ANO2: variants seen among roughly 807,000 people sequenced by gnomAD.
ANO2 encodes the protein anoctamin-2.
Under a neutral mutation model 124.2 loss-of-function variants are expected in ANO2, and 101 were observed. The observed-to-expected ratio is 0.81, with a 90% CI of 0.69 to 0.96. ANO2 has a LOEUF of 0.96. ANO2 is among the 40% of genes least tolerant of loss of function. The pLI is 0.00. For missense variants in ANO2, 1,293 were observed against 1,274.5 expected (o/e 1.01, Z -0.22); for synonymous variants, 486 against 482.5 (o/e 1.01, Z -0.09).
intron 14 of ANO2, among the ~76,000 whole-genome samples, chr12:5,707,670 C>T (rs1194912299): frequency 6.6e-6 from 1 of 152,164 alleles, no homozygotes; most frequent in African/African-American, 2.4e-5. Context: ...AACATCAATC[C>T]AATTCTCCAA....
intron 14 of ANO2, among the ~76,000 whole-genome samples, chr12:5,715,841 T>G (rs1460890078): frequency 6.6e-6 from 1 of 152,222 alleles, no homozygotes; most frequent in South Asian, 2.1e-4. Context: ...ATAATGCTCC[T>G]GAAATAGCCC....
At chr12:5,770,674 C>A (rs548174603) in intron 10 of ANO2, among the ~76,000 whole-genome samples, 1 of 152,214 alleles carries the variant, frequency 6.6e-6, no homozygotes, top group Non-Finnish European at 1.5e-5. Context: ...TTGCCCCATG[C>A]AATCTTTTCA....
chr12:5,889,886 T>C (rs974109705), intron 3 of ANO2, among the ~76,000 whole-genome samples: 1 of 152,244 alleles, frequency 6.6e-6, no homozygotes. Flanking sequence ...GGAGGACTCA[T>C]GTGAGTTGCA....
intron 20 of ANO2, among the ~76,000 whole-genome samples, chr12:5,587,069 G>A (rs1227936941): frequency 6.6e-6 from 1 of 152,174 alleles, no homozygotes; most frequent in East Asian, 1.9e-4. Context: ...CCAACTGACA[G>A]CCCGTCCCCA....
intron 3 of ANO2, among the ~76,000 whole-genome samples, chr12:5,919,987 G>A (rs1017278112): frequency 6.6e-6 from 1 of 152,108 alleles, no homozygotes; most frequent in Non-Finnish European, 1.5e-5. Context: ...GTGAGTCACC[G>A]CGCCTGGCAA....
At chr12:5,913,601 C>T (rs1941187550) in intron 3 of ANO2, among the ~76,000 whole-genome samples, 1 of 152,226 alleles carries the variant, frequency 6.6e-6, no homozygotes, top group Admixed American at 6.5e-5. Context: ...CTCGGGATGA[C>T]AAGGATCCCA....
chr12:5,563,476 T>C lies in ANO2; in HGVS notation c.2820A>G (p.Leu940=). 6.2e-7 allele frequency: 1 copy of C among 1,613,964 alleles called. No homozygotes were observed. Among genetic ancestry groups the C allele is most frequent in the Admixed American group, 1.7e-5 (1 of 60,024 alleles). Residue 940 remains leucine (L), a synonymous_variant, in exon 25 of 25, where the codon TTA becomes TTG. Transcript: ENST00000682330. ...ISDQIKKEKS[L]LVDFFLKEEH... ...CCTCTTTCAGGAAGAAATCCACTAA[T>C]AAGCTCTTCTCTTTCTTGATCTGGT... is the stretch of plus-strand genomic sequence containing the variant.
At chr12:5,839,734 C>T (rs1954451639) in intron 4 of ANO2, 2 of 422,378 alleles carry the variant, frequency 4.7e-6, no homozygotes, top group Admixed American at 2.5e-5. Context: ...TCATTTCATC[C>T]ACGGTCCATA....
At position 5,798,066 on chromosome 12, in the gene ANO2, T is replaced by TA. The variant is rs972293853; in HGVS notation, c.1055+1440dup. 4.6e-5 allele frequency among the ~76,000 whole-genome samples: 7 copies of TA among 151,478 alleles called. No individual in the cohort carries two copies. In the East Asian group the frequency reaches 7.8e-4, roughly 17 times the overall value. On this transcript the variant is annotated intron_variant, in intron 10 of 24. Coordinates refer to ENST00000682330, the MANE Select transcript of ANO2 (RefSeq NM_001364791.2). ...AGAATTTTTATTTTTTAATCGTACT[T>TA]AAAAAAAACAAAAACAAATGAGTAG...
intron 20 of ANO2, among the ~76,000 whole-genome samples, chr12:5,587,022 T>C (rs1046403625): frequency 6.6e-6 from 1 of 152,190 alleles, no homozygotes; most frequent in African/African-American, 2.4e-5. Context: ...CACAAGGATG[T>C]CTGGAGAGTT....
At chr12:5,646,045 G>A (rs1019015973) in intron 15 of ANO2, among the ~76,000 whole-genome samples, 1 of 152,154 alleles carries the variant, frequency 6.6e-6, no homozygotes, top group Admixed American at 6.6e-5. Flanking sequence ...GGTGTGTATA[G>A]TTCAGTTTCA....
intron 4 of ANO2, among the ~76,000 whole-genome samples, chr12:5,842,687 T>A (rs1954552856): frequency 6.6e-6 from 1 of 152,162 alleles, no homozygotes; most frequent in Admixed American, 6.5e-5. Context: ...TAGATTAACT[T>A]GCTATTGTAA....
chr12:5,699,767 A>G lies in ANO2; in HGVS notation c.1545+32753T>C, dbSNP rs559105089. ...AAGATCTACCAAGCAAATGGAAAAC[A>G]AAAAAAGGCAGGGGTTGCAATCCTA... On this transcript the variant is annotated intron_variant, in intron 14 of 24. Transcript: ENST00000682330. Among the ~76,000 whole-genome samples the G allele has an allele frequency of 5.9e-5, 9 of 152,258 alleles. No homozygotes were observed. In the East Asian group the frequency reaches 1.7e-3, roughly 29 times the overall value.
chr12:5,575,419 T>C (rs1353389313), intron 23 of ANO2, among the ~76,000 whole-genome samples: 1 of 152,172 alleles, frequency 6.6e-6, no homozygotes, highest in Non-Finnish European at 1.5e-5. Flanking sequence ...TGATGTACAG[T>C]CGTGTGTTGC....
chr12:5,921,645 C>T (rs1941708256), intron 2 of ANO2, among the ~76,000 whole-genome samples: 1 of 152,130 alleles, frequency 6.6e-6, no homozygotes, highest in African/African-American at 2.4e-5. Flanking sequence ...CAGACTGTAC[C>T]TGCAGCAGCA....
chr12:5,938,272 G>A (rs1942741452), intron 1 of ANO2, among the ~76,000 whole-genome samples: 1 of 152,138 alleles, frequency 6.6e-6, no homozygotes, highest in Admixed American at 6.5e-5. Flanking sequence ...TCCTCCATGT[G>A]GACTCCAGAT....
At chr12:5,674,210 G>A (rs1948133316) in intron 14 of ANO2, among the ~76,000 whole-genome samples, 1 of 152,140 alleles carries the variant, frequency 6.6e-6, no homozygotes, top group Non-Finnish European at 1.5e-5. Flanking sequence ...CTCCACTATA[G>A]GTAATTTTAA....
At chr12:5,876,550 A>C (rs997878921) in intron 3 of ANO2, among the ~76,000 whole-genome samples, 7 of 152,248 alleles carry the variant, frequency 4.6e-5, no homozygotes, top group Admixed American at 3.9e-4. Flanking sequence ...TTGCAGCACT[A>C]TTCACAATAG....
chr12:5,869,488 T>A (rs988559557), intron 3 of ANO2, among the ~76,000 whole-genome samples: 2 of 152,154 alleles, frequency 1.3e-5, no homozygotes, highest in African/African-American at 4.8e-5. Flanking sequence ...TCATCTCCAA[T>A]AACATGACAA....
Sources: gnomAD v4.1 joint callset for allele counts (sites outside exome capture counted in the v4.1 genomes callset) on GRCh38, gnomAD v4.1.1 for gene constraint, MANE v1.5 for transcripts, NCBI Gene and HGNC (gene_info 2026-07-23, HGNC 2026-07-21) for gene names.